Variants in WNT7A observed in about 807,000 individuals in gnomAD.
The protein encoded by WNT7A is protein Wnt-7a.
Under a neutral mutation model 28.2 loss-of-function variants are expected in WNT7A, and 16 were observed. The ratio of observed to expected loss-of-function variants is 0.57; its 90% CI spans 0.38 to 0.86. The LOEUF (loss-of-function observed/expected upper bound fraction) is 0.86, where lower values mean the gene tolerates loss of function less well. WNT7A is among the 40% of genes least tolerant of loss of function. The pLI is 0.00. For missense variants in WNT7A, 411 were observed against 489.7 expected (o/e 0.84, Z 1.52); for synonymous variants, 190 against 195.9 (o/e 0.97, Z 0.25).
chr3:13,872,085 A>G (rs1246738694), intron 2 of WNT7A, among the ~76,000 whole-genome samples: 1 of 152,078 alleles, frequency 6.6e-6, no homozygotes, highest in Non-Finnish European at 1.5e-5. Flanking sequence ...CACCTCCCTC[A>G]CAAATCCAGA....
intron 1 of WNT7A, among the ~76,000 whole-genome samples, chr3:13,875,486 A>G (rs952823543): frequency 6.6e-6 from 1 of 152,162 alleles, no homozygotes. Context: ...CTTTGAGTTT[A>G]TGGTAGGATG....
chr3:13,869,696 AGAAAGAAG>A (rs1695000876), intron 2 of WNT7A, among the ~76,000 whole-genome samples: 1 of 149,382 alleles, frequency 6.7e-6, no homozygotes, highest in Non-Finnish European at 1.5e-5. Context: ...GGAAAGATAG[AGAAAGAAG>A]GAGAGAAAGA....
chr3:13,844,917 C>T (rs1217239992), intron 3 of WNT7A, among the ~76,000 whole-genome samples: 18 of 152,312 alleles, frequency 1.2e-4, no homozygotes, highest in African/African-American at 4.3e-4. Flanking sequence ...CCCCTCCCTC[C>T]CTCTTCCCGG....
intron 3 of WNT7A, among the ~76,000 whole-genome samples, chr3:13,828,940 A>G (rs1285759238): frequency 6.6e-6 from 1 of 151,004 alleles, no homozygotes; most frequent in Non-Finnish European, 1.5e-5. Flanking sequence ...CATGCTGGTG[A>G]TGGCAGAAAT....
chr3:13,864,312 C>T (rs1559305472), intron 2 of WNT7A, among the ~76,000 whole-genome samples: 1 of 152,144 alleles, frequency 6.6e-6, no homozygotes, highest in Non-Finnish European at 1.5e-5. Context: ...CTGCAGGATG[C>T]CTGGTCCCAC....
At chr3:13,836,744 T>G (rs1694376125) in intron 3 of WNT7A, among the ~76,000 whole-genome samples, 1 of 152,190 alleles carries the variant, frequency 6.6e-6, no homozygotes, top group Non-Finnish European at 1.5e-5. Flanking sequence ...ATGGGGCCCA[T>G]GAGCAGTTGG....
At chr3:13,873,235 G>A (rs1406386589) in intron 2 of WNT7A, among the ~76,000 whole-genome samples, 3 of 152,026 alleles carry the variant, frequency 2.0e-5, no homozygotes, top group African/African-American at 2.4e-5. Flanking sequence ...CAGGGCAGAC[G>A]GTGCAAGGCA....
At chr3:13,840,113 G>A (rs1694432947) in intron 3 of WNT7A, among the ~76,000 whole-genome samples, 1 of 152,178 alleles carries the variant, frequency 6.6e-6, no homozygotes, top group African/African-American at 2.4e-5. Flanking sequence ...CTTTGCCTCT[G>A]GGCTCTGACC....
intron 2 of WNT7A, among the ~76,000 whole-genome samples, chr3:13,867,254 G>A (rs967181843): frequency 1.3e-5 from 2 of 152,118 alleles, no homozygotes; most frequent in Admixed American, 1.3e-4. Flanking sequence ...CAAGGTAAGG[G>A]TGGGGCTGGG....
At chr3:13,844,526 C>T (rs139968654) in intron 3 of WNT7A, among the ~76,000 whole-genome samples, 103 of 152,314 alleles carry the variant, frequency 6.8e-4, no homozygotes, top group African/African-American at 2.3e-3. Context: ...CTGCCCAGAC[C>T]TCAGCTGCCC....
chr3:13,833,079 C>G lies in WNT7A; in HGVS notation c.571-13656G>C, dbSNP rs374458687. ...TCATCTCTTTCTAGGCTCCTACCCC[C>G]CCAGTAACCTGTGTGGCCTGCACAC... On this transcript the variant is annotated intron_variant, in intron 3 of 3. Coordinates refer to ENST00000285018, the MANE Select transcript of WNT7A (RefSeq NM_004625.4). Among the ~76,000 whole-genome samples the G allele has an allele frequency of 1.3e-4, 20 of 152,178 alleles. 1 individual carries two copies. Among genetic ancestry groups the G allele is most frequent in the South Asian group, 8.3e-4 (4 of 4,828 alleles).
chr3:13,821,140 A>C (rs1247462983), intron 3 of WNT7A, among the ~76,000 whole-genome samples: 1 of 152,194 alleles, frequency 6.6e-6, no homozygotes, highest in East Asian at 1.9e-4. Flanking sequence ...CAGGAGAAAG[A>C]GCAAAGGCTT....
Position 13,868,640 on chromosome 3 carries a change from G to A in WNT7A, c.298+6307C>T, listed in dbSNP as rs1187642642. Among the ~76,000 whole-genome samples, 2 of 15,726 alleles carry A rather than the reference G, an allele frequency of 1.3e-4. 1 individual carries two copies. Among genetic ancestry groups the A allele is most frequent in the Non-Finnish European group, 2.3e-4 (2 of 8,520 alleles). 10.3% of individuals were successfully genotyped at this position (15,726 alleles called of 152,430 possible). On this transcript the variant is annotated intron_variant, in intron 2 of 3. Coordinates refer to ENST00000285018, the MANE Select transcript of WNT7A (RefSeq NM_004625.4). ...AGAGAGAGAAAGAAAGAAAGAGAGA[G>A]GAGAAAGAAAAAAAGGAGGGAGGGA...
rs1195528662 is a variant in WNT7A, at chr3:13,874,987, T to G, written c.258A>C (p.Ala86=). The G allele has an allele frequency of 5.6e-6, 9 of 1,614,178 alleles. No individual in the cohort carries two copies. Among genetic ancestry groups the G allele is most frequent in the Non-Finnish European group, 7.6e-6 (9 of 1,180,032 alleles). Residue 86 remains alanine (A), a synonymous_variant, in exon 2 of 4, where the codon GCA becomes GCC. Transcript: ENST00000285018. ...QFRNGRWNCS[A]LGERTVFGKE... is the part of the protein sequence containing the mutation. Reference sequence around the variant, plus strand: ...TCCCGAAGACGGTGCGCTCTCCCAGTGCAGAGCAGTTCCAGCGGCCATTGC... The same window carrying G: ...TCCCGAAGACGGTGCGCTCTCCCAGGGCAGAGCAGTTCCAGCGGCCATTGC...
At chr3:13,858,181 T>C (rs1316166028) in intron 2 of WNT7A, among the ~76,000 whole-genome samples, 1 of 152,150 alleles carries the variant, frequency 6.6e-6, no homozygotes, top group African/African-American at 2.4e-5. Context: ...GATTCCCAGG[T>C]GCAGTGGGCA....
chr3:13,845,113 G>A (rs1045758965), intron 3 of WNT7A, among the ~76,000 whole-genome samples: 4 of 152,208 alleles, frequency 2.6e-5, no homozygotes, highest in Non-Finnish European at 4.4e-5. Context: ...TTTCAAATGA[G>A]TTCCCAGCTG....
chr3:13,860,391 T>C (rs1254281592), intron 2 of WNT7A, among the ~76,000 whole-genome samples: 1 of 152,218 alleles, frequency 6.6e-6, no homozygotes, highest in Non-Finnish European at 1.5e-5. Context: ...CATCAACTCT[T>C]GTCAGAATGC....
intron 3 of WNT7A, among the ~76,000 whole-genome samples, chr3:13,847,694 A>G (rs1031737874): frequency 2.6e-5 from 4 of 152,208 alleles, no homozygotes; most frequent in African/African-American, 9.6e-5. Flanking sequence ...GCTAACTGAA[A>G]TAAGACAGAC....
At chr3:13,868,587 AGAGGG>A (rs1179107067) in intron 2 of WNT7A, among the ~76,000 whole-genome samples, 259 of 15,176 alleles carry the variant, frequency 0.017, 41 homozygotes, top group Middle Eastern at 0.12. Context: ...AGAGAGAGAG[AGAGGG>A]AGAAAGAAAG....
Sources: allele counts gnomAD v4.1 joint callset (sites outside exome capture counted in the v4.1 genomes callset), GRCh38; gene constraint gnomAD v4.1.1; transcripts MANE v1.5; gene names NCBI Gene and HGNC (gene_info 2026-07-23, HGNC 2026-07-21).